The following NBAS variants were observed in gnomAD, a reference collection of about 807,000 sequenced individuals.
The protein encoded by NBAS is NBAS subunit of NRZ tethering complex.
Under a neutral mutation model 302.5 loss-of-function variants are expected in NBAS, and 219 were observed. The observed-to-expected ratio is 0.72, with a 90% CI of 0.65 to 0.81. The LOEUF (loss-of-function observed/expected upper bound fraction) is 0.81, where lower values mean the gene tolerates loss of function less well. NBAS is among the 30% of genes least tolerant of loss of function. NBAS has a pLI of 0.00. For missense variants in NBAS, 2,932 were observed against 2,841.6 expected, an observed-to-expected ratio of 1.03 and a Z score of -0.72; for synonymous variants, 1,118 against 1,021.6, an observed-to-expected ratio of 1.09 and a Z score of -1.80.
chr2:14,858,483 A>G, the NBAS span, among the ~76,000 whole-genome samples: 1 of 152,170 alleles, frequency 6.6e-6, no homozygotes, highest in Non-Finnish European at 1.5e-5. Flanking sequence ...CAGCCACAAA[A>G]CAGAATGAGG....
chr2:15,231,994 T>C (rs1475210426), intron 47 of NBAS, among the ~76,000 whole-genome samples: 1 of 152,194 alleles, frequency 6.6e-6, no homozygotes, highest in Non-Finnish European at 1.5e-5. Flanking sequence ...CCTGTACACT[T>C]TGAGTCCTAA....
At chr2:14,801,394 C>A in the NBAS span, among the ~76,000 whole-genome samples, 1 of 152,012 alleles carries the variant, frequency 6.6e-6, no homozygotes, top group Non-Finnish European at 1.5e-5. Flanking sequence ...ATTGCTATGA[C>A]TTTAATTTCA....
chr2:14,861,225 A>G, the NBAS span, among the ~76,000 whole-genome samples: 2 of 152,230 alleles, frequency 1.3e-5, no homozygotes, highest in South Asian at 4.1e-4. Context: ...AATGAATCTA[A>G]TTCAGATAAC....
chr2:15,328,458 C>G (rs940249881), intron 36 of NBAS, 146 bp from the exon 37 acceptor site: 8 of 708,032 alleles, frequency 1.1e-5, no homozygotes, highest in East Asian at 5.2e-5. Flanking sequence ...GCATTTCCCA[C>G]GACCTAAAAA....
At chr2:14,956,180 C>G in the NBAS span, among the ~76,000 whole-genome samples, 1 of 152,158 alleles carries the variant, frequency 6.6e-6, no homozygotes, top group South Asian at 2.1e-4. Context: ...ACTTTTATTC[C>G]AGTTCATAAC....
chr2:14,889,865 A>G, the NBAS span, among the ~76,000 whole-genome samples: 1 of 152,230 alleles, frequency 6.6e-6, no homozygotes, highest in East Asian at 1.9e-4. Context: ...CAATGAATTT[A>G]CAAGTCATTT....
the NBAS span, among the ~76,000 whole-genome samples, chr2:14,961,447 C>T: frequency 6.6e-6 from 1 of 151,854 alleles, no homozygotes; most frequent in African/African-American, 2.4e-5. Context: ...TAAAGCTGGG[C>T]CCCCTCTCTG....
At chr2:15,015,845 A>G in the NBAS span, among the ~76,000 whole-genome samples, 1 of 152,126 alleles carries the variant, frequency 6.6e-6, no homozygotes, top group Non-Finnish European at 1.5e-5. Context: ...AGGAAGTCAC[A>G]TTGTCCCAGT....
At chr2:15,006,776 G>T in the NBAS span, among the ~76,000 whole-genome samples, 2 of 152,198 alleles carry the variant, frequency 1.3e-5, no homozygotes, top group Admixed American at 1.3e-4. Context: ...AACTGGTTAT[G>T]CATGTCCAGC....
chr2:14,965,771 T>TA, the NBAS span, among the ~76,000 whole-genome samples: 78,360 of 150,834 alleles, frequency 0.52, 21,586 homozygotes, highest in East Asian at 0.69. Flanking sequence ...TGCAAAATTC[T>TA]AAAAAAAAAA....
chr2:15,179,306 T>C (rs527772661), intron 50 of NBAS, 190 bp from the exon 51 acceptor site: 5 of 745,054 alleles, frequency 6.7e-6, no homozygotes, highest in African/African-American at 3.5e-5. Context: ...CAGTAAACTG[T>C]GTACAGATTT....
At position 15,179,083 on chromosome 2, in the gene NBAS, G is replaced by C. The variant is rs754383818; in HGVS notation, c.6745C>G (p.Gln2249Glu). The change falls in exon 51 of 52, where the codon CAG (glutamine) becomes GAG (glutamate). Residue 2249 changes from glutamine (Q) to glutamate (E), a missense_variant. Coordinates refer to ENST00000281513, the MANE Select transcript of NBAS (RefSeq NM_015909.4). ...TTCAGAGATGGAAGCAGGAGGGACT[G>C]GTTAAGCAGCAGCAGACACAGCTCC... ...VKELCLLLLN[Q>E]SLLLPSLKLL... is the part of the protein sequence containing the mutation. 1.2e-6 allele frequency: 2 copies of C among 1,614,196 alleles called. No homozygotes were observed. Among genetic ancestry groups the C allele is most frequent in the East Asian group, 2.2e-5 (1 of 44,880 alleles).
At chr2:14,942,018 C>A in the NBAS span, among the ~76,000 whole-genome samples, 1 of 152,166 alleles carries the variant, frequency 6.6e-6, no homozygotes, top group African/African-American at 2.4e-5. Flanking sequence ...CAACTGCAAA[C>A]CGTTGAGTAC....
At chr2:15,289,714 G>A (rs1670214382) in intron 41 of NBAS, among the ~76,000 whole-genome samples, 1 of 152,158 alleles carries the variant, frequency 6.6e-6, no homozygotes, top group Non-Finnish European at 1.5e-5. Context: ...AAATGGACAT[G>A]CAGCTGGGCG....
In NBAS at chr2:15,315,178, A is replaced by G. The variant is rs1045826919; in HGVS notation, c.4583-5931T>C. Among the ~76,000 whole-genome samples the G allele has an allele frequency of 2.0e-5, 3 of 152,228 alleles. No individual in the cohort carries two copies. The East Asian group carries it at 5.8e-4, about 29-fold the overall frequency. On this transcript the variant is annotated intron_variant, in intron 38 of 51. Transcript: ENST00000281513. ...ATTTTAAAACACACAAAAGTAAAAA[A>G]TAGTTAAAGATATGCAGTGTAGTGT...
At chr2:15,153,876 A>G in the NBAS span, among the ~76,000 whole-genome samples, 6 of 152,244 alleles carry the variant, frequency 3.9e-5, no homozygotes, top group Non-Finnish European at 1.5e-5. Flanking sequence ...TAATTTCCAT[A>G]AAAGTGTTTT....
intron 10 of NBAS, among the ~76,000 whole-genome samples, chr2:15,505,303 A>C (rs1002295528): frequency 1.3e-5 from 2 of 152,130 alleles, no homozygotes; most frequent in Non-Finnish European, 2.9e-5. Context: ...CACCAAAAAG[A>C]CTAAGTCCAC....
At chr2:15,009,719 TAC>T in the NBAS span, among the ~76,000 whole-genome samples, 10 of 130,786 alleles carry the variant, frequency 7.6e-5, no homozygotes, top group African/African-American at 2.6e-4. Flanking sequence ...TATATATATA[TAC>T]GGTGCATATG....
intron 21 of NBAS, among the ~76,000 whole-genome samples, chr2:15,445,747 A>T (rs1678701972): frequency 6.6e-6 from 1 of 152,088 alleles, no homozygotes; most frequent in African/African-American, 2.4e-5. Context: ...ATCCAATAAA[A>T]GTTACCAGGT....
Sources: gnomAD v4.1 joint callset for allele counts (sites outside exome capture counted in the v4.1 genomes callset) on GRCh38, gnomAD v4.1.1 for gene constraint, MANE v1.5 for transcripts, NCBI Gene and HGNC (gene_info 2026-07-23, HGNC 2026-07-21) for gene names.